The following COL24A1 variants were observed in gnomAD, a reference collection of about 807,000 sequenced individuals.
The protein encoded by COL24A1 is collagen alpha-1(XXIV) chain.
COL24A1 carries 224 observed loss-of-function variants against 253.9 expected under a neutral mutation model. That is an observed-to-expected ratio of 0.88 (90% CI 0.79 to 0.99). The LOEUF (loss-of-function observed/expected upper bound fraction) is 0.99, where lower values mean the gene tolerates loss of function less well. Among genes scored for constraint, COL24A1 ranks in the 50% least tolerant of loss-of-function variants. The probability of loss-of-function intolerance (pLI) is 0.00; values close to 1 mark genes in which losing one functional copy is unlikely to be tolerated. For missense variants in COL24A1, 2,131 were observed against 2,068.5 expected (o/e 1.03, Z -0.59); for synonymous variants, 685 against 673.7 (o/e 1.02, Z -0.26).
At chr1:85,859,729 A>C (rs543348477) in intron 37 of COL24A1, among the ~76,000 whole-genome samples, 1 of 152,336 alleles carries the variant, frequency 6.6e-6, no homozygotes, top group Admixed American at 6.5e-5. Flanking sequence ...TGCCCACTGC[A>C]ACCCATTTGT....
At chr1:85,881,023 C>T (rs918753788) in intron 32 of COL24A1, among the ~76,000 whole-genome samples, 4 of 152,160 alleles carry the variant, frequency 2.6e-5, no homozygotes, top group African/African-American at 9.7e-5. Context: ...TAAGGTAATG[C>T]TCACATAATG....
intron 57 of COL24A1, among the ~76,000 whole-genome samples, chr1:85,742,428 G>A (rs925698597): frequency 1.1e-4 from 16 of 151,980 alleles, no homozygotes; most frequent in Admixed American, 5.9e-4. Flanking sequence ...CACTGTGCCC[G>A]TCCTAGACCT....
At chr1:85,960,021 A>G (rs1249983889) in intron 24 of COL24A1, among the ~76,000 whole-genome samples, 1 of 152,168 alleles carries the variant, frequency 6.6e-6, no homozygotes, top group African/African-American at 2.4e-5. Context: ...AAAAAGCAAG[A>G]ACAAAAAGTT....
intron 3 of COL24A1, among the ~76,000 whole-genome samples, chr1:86,123,537 C>T (rs1431303103): frequency 6.6e-6 from 1 of 151,928 alleles, no homozygotes. Context: ...ATAGCAGAGA[C>T]TAAGTAAATA....
chr1:86,073,242 A>G (rs1701997695), intron 7 of COL24A1, among the ~76,000 whole-genome samples: 1 of 152,172 alleles, frequency 6.6e-6, no homozygotes, highest in East Asian at 1.9e-4. Flanking sequence ...AGGTTAGAGG[A>G]ATTGCTAACT....
chr1:85,802,829 C>G (rs564612075), intron 47 of COL24A1, among the ~76,000 whole-genome samples: 159 of 152,262 alleles, frequency 1.0e-3, no homozygotes, highest in Non-Finnish European at 1.9e-3. Flanking sequence ...CAAGTGGAAC[C>G]AAACAGCATG....
intron 20 of COL24A1, among the ~76,000 whole-genome samples, chr1:85,973,588 AC>A (rs1692384579): frequency 1.3e-5 from 2 of 152,204 alleles, no homozygotes; most frequent in African/African-American, 4.8e-5. Context: ...GGCTCTAAGA[AC>A]ATACAATATT....
chr1:85,906,330 G>A (rs183858539), intron 28 of COL24A1, among the ~76,000 whole-genome samples: 1 of 119,440 alleles, frequency 8.4e-6, no homozygotes, highest in South Asian at 2.7e-4. Flanking sequence ...TTCTTCATAA[G>A]CTCTAAAACT....
chr1:85,837,084 T>C (rs1209075878), intron 43 of COL24A1, among the ~76,000 whole-genome samples: 1 of 152,162 alleles, frequency 6.6e-6, no homozygotes, highest in Non-Finnish European at 1.5e-5. Flanking sequence ...CTGAGGAACT[T>C]TAAGAGGCTT....
chr1:85,776,751 G>A (rs374384092), intron 52 of COL24A1, among the ~76,000 whole-genome samples: 3 of 151,908 alleles, frequency 2.0e-5, no homozygotes, highest in South Asian at 4.1e-4. Context: ...CTTCCAGAAA[G>A]TTAGTTTGAA....
At chr1:86,136,669 A>C (rs1557780382) in intron 2 of COL24A1, among the ~76,000 whole-genome samples, 1 of 152,018 alleles carries the variant, frequency 6.6e-6, no homozygotes, top group Non-Finnish European at 1.5e-5. Context: ...ATATGGCTTT[A>C]AGGTCTCTGA....
At chr1:86,133,902 G>A (rs146198111) in intron 2 of COL24A1, among the ~76,000 whole-genome samples, 80,931 of 151,722 alleles carry the variant, frequency 0.53, 22,231 homozygotes, top group Non-Finnish European at 0.62. Context: ...TCTATTGATT[G>A]GAATAGTTTC....
chr1:85,950,797 T>C (rs541502956), intron 24 of COL24A1, among the ~76,000 whole-genome samples: 39 of 152,300 alleles, frequency 2.6e-4, no homozygotes, highest in African/African-American at 6.0e-4. Flanking sequence ...GGATACTTGA[T>C]GTGAAGTATA....
intron 37 of COL24A1, among the ~76,000 whole-genome samples, chr1:85,852,601 C>G (rs1250169945): frequency 2.0e-5 from 3 of 152,068 alleles, no homozygotes; most frequent in Admixed American, 6.6e-5. Flanking sequence ...GTTTTCCTAT[C>G]ATGAATATAA....
chr1:86,066,350 T>C (rs1701485093), intron 7 of COL24A1, among the ~76,000 whole-genome samples: 2 of 149,394 alleles, frequency 1.3e-5, no homozygotes. Flanking sequence ...GCCATTCTCC[T>C]GCCTCAGCCT....
intron 28 of COL24A1, among the ~76,000 whole-genome samples, chr1:85,899,040 G>A (rs1199568467): frequency 3.3e-5 from 5 of 152,156 alleles, no homozygotes; most frequent in African/African-American, 1.2e-4. Context: ...AAAGAACAGT[G>A]TTCAAAGGAT....
intron 5 of COL24A1, among the ~76,000 whole-genome samples, chr1:86,105,268 G>T (rs34559619): frequency 3.3e-4 from 50 of 152,266 alleles, no homozygotes; most frequent in African/African-American, 1.2e-3. Flanking sequence ...ATGCAAAACC[G>T]GTGGAACAAG....
At position 85,776,330 on chromosome 1, in the gene COL24A1, T is replaced by C. The variant is rs148512750; in HGVS notation, c.4339-621A>G. Among the ~76,000 whole-genome samples, 192 of 152,250 alleles carry C rather than the reference T, an allele frequency of 1.3e-3. 1 individual carries two copies. The highest frequency in any genetic ancestry group is 6.8e-3 in the Middle Eastern group (2 of 294). On this transcript the variant is annotated intron_variant, in intron 52 of 59. Transcript: ENST00000370571. ...TCTATGACCTCAGTTCTTTTACATT[T>C]AGTAAAATTTGTTTTATGGCCCATA...
At chr1:85,775,631 C>T (rs1176539718) in intron 53 of COL24A1, 43 bp downstream of exon 53, 3 of 1,526,854 alleles carry the variant, frequency 2.0e-6, no homozygotes, top group Admixed American at 1.9e-5. Context: ...AGCTTATAGC[C>T]TAGTGTCAGG....
Sources: allele counts gnomAD v4.1 joint callset (sites outside exome capture counted in the v4.1 genomes callset), GRCh38; gene constraint gnomAD v4.1.1; transcripts MANE v1.5; gene names NCBI Gene and HGNC (gene_info 2026-07-23, HGNC 2026-07-21).